The following MAPKAP1 variants were observed in gnomAD, a reference collection of about 807,000 sequenced individuals.
The protein encoded by MAPKAP1 is target of rapamycin complex 2 subunit MAPKAP1.
A neutral mutation model predicts 65.7 loss-of-function variants in MAPKAP1; 20 were observed. The ratio of observed to expected loss-of-function variants is 0.30; its 90% CI spans 0.21 to 0.44. The LOEUF (loss-of-function observed/expected upper bound fraction) is 0.44. MAPKAP1 is among the 20% of genes least tolerant of loss of function. The probability of loss-of-function intolerance (pLI) is 1.00; values close to 1 mark genes in which losing one functional copy is unlikely to be tolerated. For synonymous variants in MAPKAP1, 222 were observed against 244.3 expected (o/e 0.91, Z 0.85); for missense variants, 423 against 648.0 (o/e 0.65, Z 3.77).
At chr9:125,509,823 A>G (rs1829248593) in intron 7 of MAPKAP1, among the ~76,000 whole-genome samples, 2 of 152,132 alleles carry the variant, frequency 1.3e-5, no homozygotes, top group African/African-American at 4.8e-5. Context: ...TGCCTGGGAA[A>G]CGTGGATCAG....
chr9:125,648,302 G>C lies in MAPKAP1; in HGVS notation c.498+9349C>G, dbSNP rs754078078. ...ATCACTGTTCTGTTAGGATAATTAA[G>C]AGGAAAGTTCCAATGTATACACAAA... On this transcript the variant is annotated intron_variant, in intron 4 of 11. Transcript: ENST00000265960. Among the ~76,000 whole-genome samples the C allele has an allele frequency of 3.2e-4, 49 of 152,282 alleles. 1 individual carries two copies. The highest frequency in any genetic ancestry group is 6.8e-3 in the Middle Eastern group (2 of 294).
At position 125,498,683 on chromosome 9, in the gene MAPKAP1, T is replaced by A. The variant is rs7022356; in HGVS notation, c.1066+7627A>T. The stretch of plus-strand genomic sequence containing the variant: ...ACTGAAAGGCTTCTATCCACCCTTA[T>A]GGCAAACAGACTTCTCAAACAAATG... On this transcript the variant is annotated intron_variant, in intron 8 of 11. Transcript: ENST00000265960. Among the ~76,000 whole-genome samples the A allele has an allele frequency of 3.7e-3, 558 of 152,256 alleles. 5 individuals carry two copies. Among genetic ancestry groups the A allele is most frequent in the African/African-American group, 0.013 (538 of 41,566 alleles).
At chr9:125,561,942 A>G (rs551150484) in intron 5 of MAPKAP1, among the ~76,000 whole-genome samples, 1 of 152,198 alleles carries the variant, frequency 6.6e-6, no homozygotes, top group Non-Finnish European at 1.5e-5. Flanking sequence ...TGTACACACA[A>G]CTGTAATGGG....
chr9:125,523,484 T>A (rs992586635), intron 7 of MAPKAP1, among the ~76,000 whole-genome samples: 1 of 152,208 alleles, frequency 6.6e-6, no homozygotes, highest in African/African-American at 2.4e-5. Context: ...CCAGAAATCA[T>A]CTTTGCAACT....
intron 6 of MAPKAP1, among the ~76,000 whole-genome samples, chr9:125,545,382 A>G (rs1456690056): frequency 3.9e-5 from 6 of 152,200 alleles, no homozygotes; most frequent in East Asian, 1.9e-4. Flanking sequence ...ATGCCAGTCA[A>G]CCACGTTCAG....
intron 1 of MAPKAP1, among the ~76,000 whole-genome samples, chr9:125,672,912 C>A (rs1834535922): frequency 6.6e-6 from 1 of 152,208 alleles, no homozygotes; most frequent in Non-Finnish European, 1.5e-5. Flanking sequence ...ACAAGTCAGG[C>A]CACTCGAAGC....
chr9:125,696,856 A>G (rs1044451819), intron 1 of MAPKAP1, among the ~76,000 whole-genome samples: 2 of 152,164 alleles, frequency 1.3e-5, no homozygotes, highest in Admixed American at 6.6e-5. Context: ...CTAAAATCTT[A>G]TGCCTCAGTT....
At chr9:125,621,745 C>A (rs1039753474) in intron 4 of MAPKAP1, among the ~76,000 whole-genome samples, 3 of 152,214 alleles carry the variant, frequency 2.0e-5, no homozygotes, top group South Asian at 2.1e-4. Context: ...GTCATTAAAA[C>A]AACTTCTTAT....
At chr9:125,556,894 A>C (rs1031390344) in intron 6 of MAPKAP1, among the ~76,000 whole-genome samples, 53 of 152,338 alleles carry the variant, frequency 3.5e-4, no homozygotes, top group African/African-American at 1.2e-3. Flanking sequence ...GTACTATTTC[A>C]TCAGACGACT....
chr9:125,489,417 C>T (rs947764683), intron 8 of MAPKAP1, among the ~76,000 whole-genome samples: 7 of 152,064 alleles, frequency 4.6e-5, no homozygotes, highest in African/African-American at 7.2e-5. Context: ...CTATAAGCCA[C>T]GGATTACCAT....
At chr9:125,645,175 G>A (rs552690425) in intron 4 of MAPKAP1, among the ~76,000 whole-genome samples, 2 of 152,184 alleles carry the variant, frequency 1.3e-5, no homozygotes, top group Non-Finnish European at 2.9e-5. Flanking sequence ...GACCTGAAGA[G>A]CAGGCCTCTG....
At position 125,468,114 on chromosome 9, in the gene MAPKAP1, A is replaced by C. The variant is rs1853749631; in HGVS notation, c.1208-5T>G. The C allele has an allele frequency of 6.2e-7, 1 of 1,614,010 alleles. No homozygotes were observed. The highest frequency in any genetic ancestry group is 2.2e-5 in the East Asian group (1 of 44,878). On this transcript the variant is annotated splice_polypyrimidine_tract_variant and splice_region_variant and intron_variant, in intron 9 of 11. Transcript: ENST00000265960. ...CTACTTTGTCTCCAGAGATACCTGTAAGCCAAGGTGAGGACACAAAAGAAA... is the reference window on the plus strand; with the variant it reads ...CTACTTTGTCTCCAGAGATACCTGTCAGCCAAGGTGAGGACACAAAAGAAA...
At chr9:125,580,810 C>G (rs1397806312) in intron 5 of MAPKAP1, among the ~76,000 whole-genome samples, 1 of 152,114 alleles carries the variant, frequency 6.6e-6, no homozygotes, top group Non-Finnish European at 1.5e-5. Context: ...CACCAAGATA[C>G]AAAACTGTTC....
chr9:125,618,873 T>C (rs1832818907), intron 4 of MAPKAP1, among the ~76,000 whole-genome samples: 1 of 152,330 alleles, frequency 6.6e-6, no homozygotes, highest in East Asian at 1.9e-4. Flanking sequence ...GGCTCATGCC[T>C]GGAATATCAG....
intron 4 of MAPKAP1, among the ~76,000 whole-genome samples, chr9:125,641,501 T>C (rs2131711894): frequency 6.6e-6 from 1 of 152,322 alleles, no homozygotes; most frequent in African/African-American, 2.4e-5. Flanking sequence ...TAAACAGAAC[T>C]GGGTGAGTTT....
intron 4 of MAPKAP1, among the ~76,000 whole-genome samples, chr9:125,587,783 C>T (rs1720543018): frequency 6.6e-6 from 1 of 152,106 alleles, no homozygotes; most frequent in African/African-American, 2.4e-5. Flanking sequence ...AAAGAAGATA[C>T]ACAAATGACC....
At position 125,514,343 on chromosome 9, in the gene MAPKAP1, G is replaced by A. The variant is rs558267099; in HGVS notation, c.959-7926C>T. ...ATAATTTACCAGCTCAAGCTGCCTC[G>A]CTGCCTCCCCCAGCCTCGAGGCAGG... On this transcript the variant is annotated intron_variant, in intron 7 of 11. Coordinates refer to ENST00000265960, the MANE Select transcript of MAPKAP1 (RefSeq NM_001006617.3). 1.5e-4 allele frequency among the ~76,000 whole-genome samples: 23 copies of A among 152,188 alleles called. No individual in the cohort carries two copies. The South Asian group carries it at 3.3e-3, about 22-fold the overall frequency.
chr9:125,476,998 A>C (rs949217678), intron 9 of MAPKAP1, among the ~76,000 whole-genome samples: 1 of 152,224 alleles, frequency 6.6e-6, no homozygotes, highest in Non-Finnish European at 1.5e-5. Context: ...TGCCTTCTCT[A>C]GGACATGTGG....
At chr9:125,457,420 T>A (rs1246723988) in intron 10 of MAPKAP1, among the ~76,000 whole-genome samples, 1 of 152,242 alleles carries the variant, frequency 6.6e-6, no homozygotes, top group Non-Finnish European at 1.5e-5. Flanking sequence ...ATAATAGCTA[T>A]TTTAAGGTAC....
Sources: gnomAD v4.1 joint callset for allele counts (sites outside exome capture counted in the v4.1 genomes callset) on GRCh38, gnomAD v4.1.1 for gene constraint, MANE v1.5 for transcripts, NCBI Gene and HGNC (gene_info 2026-07-23, HGNC 2026-07-21) for gene names.